Variants in ENTPD1 observed in about 807,000 individuals in gnomAD.
The protein encoded by ENTPD1 is ectonucleoside triphosphate diphosphohydrolase 1, also known as ATP diphosphohydrolase.
ENTPD1 carries 33 observed loss-of-function variants against 57.0 expected under a neutral mutation model. The ratio of observed to expected loss-of-function variants is 0.58; its 90% CI spans 0.44 to 0.77. ENTPD1 has a LOEUF of 0.77. ENTPD1 is among the 30% of genes least tolerant of loss of function. The pLI is 0.00. For missense variants in ENTPD1, 501 were observed against 603.4 expected (o/e 0.83, Z 1.78); for synonymous variants, 202 against 218.8 (o/e 0.92, Z 0.68).
the ENTPD1 span, among the ~76,000 whole-genome samples, chr10:95,697,836 C>T: frequency 7.2e-5 from 11 of 152,166 alleles, no homozygotes; most frequent in African/African-American, 2.4e-4. Flanking sequence ...AGAGAATGAA[C>T]GAAGACAGAA....
intron 2 of ENTPD1, among the ~76,000 whole-genome samples, chr10:95,833,229 T>A (rs2098401565): frequency 6.6e-6 from 1 of 152,230 alleles, no homozygotes; most frequent in Non-Finnish European, 1.5e-5. Flanking sequence ...GTGAATATCC[T>A]TAATACCACA....
At chr10:95,847,849 A>T in intron 7 of ENTPD1, 143 bp downstream of exon 7, 1 of 1,195,976 alleles carries the variant, frequency 8.4e-7, no homozygotes, top group Non-Finnish European at 1.2e-6. Context: ...TCTTCAGCTC[A>T]ACTATGTCAG....
At chr10:95,749,094 C>G (rs557015976) in intron 1 of ENTPD1, among the ~76,000 whole-genome samples, 1 of 152,120 alleles carries the variant, frequency 6.6e-6, no homozygotes, top group African/African-American at 2.4e-5. Flanking sequence ...TATGTTCATT[C>G]CTTTGTGAGG....
At chr10:95,700,319 A>G in the ENTPD1 span, among the ~76,000 whole-genome samples, 5,130 of 152,300 alleles carry the variant, frequency 0.034, 120 homozygotes, top group Non-Finnish European at 0.049. Flanking sequence ...GATTAAATCT[A>G]CAAGTCCAAT....
chr10:95,761,052 G>A lies in ENTPD1; in HGVS notation c.16+4797G>A, dbSNP rs1024323324. ...TCACTGTGTTAGCCAGGATGGTCTCGATCTCCTGACCTCATGATCCGCCCG... is the reference window on the plus strand; with the variant it reads ...TCACTGTGTTAGCCAGGATGGTCTCAATCTCCTGACCTCATGATCCGCCCG... On this transcript the variant is annotated intron_variant, in intron 1 of 9. Coordinates refer to ENST00000371205, the MANE Select transcript of ENTPD1 (RefSeq NM_001776.6). Among the ~76,000 whole-genome samples, 3 of 151,880 alleles carry A rather than the reference G, an allele frequency of 2.0e-5. No individual in the cohort carries two copies. In the South Asian group the frequency reaches 6.2e-4, roughly 32 times the overall value.
intron 9 of ENTPD1, among the ~76,000 whole-genome samples, chr10:95,865,365 G>A (rs531837652): frequency 6.6e-6 from 1 of 152,278 alleles, no homozygotes; most frequent in African/African-American, 2.4e-5. Context: ...GCCTGAGTCC[G>A]GAAGAAGCAA....
rs143237973 is a variant in ENTPD1 at position 95,766,585 on chromosome 10, C to G, written c.16+10330C>G. Reference sequence around the variant, plus strand: ...ATATTTTGATAAAATATTGAAATAACTCTTTTTATCTACTTTTTTAGTCCT... The same window carrying G: ...ATATTTTGATAAAATATTGAAATAAGTCTTTTTATCTACTTTTTTAGTCCT... On this transcript the variant is annotated intron_variant, in intron 1 of 9. Coordinates refer to ENST00000371205, the MANE Select transcript of ENTPD1 (RefSeq NM_001776.6). Among the ~76,000 whole-genome samples the G allele has an allele frequency of 5.9e-5, 9 of 152,224 alleles. No homozygotes were observed. The East Asian group carries it at 9.6e-4, about 16-fold the overall frequency.
At chr10:95,829,068 AG>A (rs1318301146) in intron 2 of ENTPD1, among the ~76,000 whole-genome samples, 1 of 152,176 alleles carries the variant, frequency 6.6e-6, no homozygotes, top group Admixed American at 6.5e-5. Context: ...CCCAAGGCAG[AG>A]GGGGAGCTAA....
At chr10:95,816,962 G>A (rs1455173332) in intron 1 of ENTPD1, among the ~76,000 whole-genome samples, 1 of 152,186 alleles carries the variant, frequency 6.6e-6, no homozygotes, top group East Asian at 1.9e-4. Context: ...CGTGTTGTTA[G>A]CTCATTGAAC....
At chr10:95,824,015 A>G (rs1305434591) in intron 2 of ENTPD1, among the ~76,000 whole-genome samples, 1 of 152,258 alleles carries the variant, frequency 6.6e-6, no homozygotes, top group Non-Finnish European at 1.5e-5. Context: ...CATTAACTTT[A>G]ATGTATTTAT....
intron 1 of ENTPD1, among the ~76,000 whole-genome samples, chr10:95,774,172 G>A (rs983757583): frequency 5.3e-5 from 8 of 152,112 alleles, no homozygotes; most frequent in African/African-American, 9.7e-5. Flanking sequence ...CCCACTTTTC[G>A]ATGGAGTTGT....
intron 1 of ENTPD1, among the ~76,000 whole-genome samples, chr10:95,809,686 G>C (rs1421299804): frequency 2.9e-5 from 4 of 138,108 alleles, no homozygotes; most frequent in African/African-American, 5.5e-5. Context: ...GGTGGCCGCC[G>C]GGCAGAGGCG....
At chr10:95,760,320 C>T (rs934647298) in intron 1 of ENTPD1, among the ~76,000 whole-genome samples, 11 of 152,204 alleles carry the variant, frequency 7.2e-5, no homozygotes, top group African/African-American at 2.2e-4. Context: ...CAAGCCCCTT[C>T]ACCCTCCCAG....
chr10:95,823,190 GT>G (rs758290973), intron 1 of ENTPD1, 46 bp from the exon 2 acceptor site: 8 of 1,611,114 alleles, frequency 5.0e-6, no homozygotes, highest in South Asian at 1.1e-5. Context: ...GAAAATCAGT[GT>G]TTTTGATTTC....
At position 95,870,903 on chromosome 10, in the gene ENTPD1, C is replaced by G. The variant is rs1023109270; in HGVS notation, c.*4520C>G. Reference sequence around the variant, plus strand: ...TCATGTTTGTGAGTCTGCAAGCCAGCTGGGCAGCTCTACTTCAGGTGGTAA... The same window carrying G: ...TCATGTTTGTGAGTCTGCAAGCCAGGTGGGCAGCTCTACTTCAGGTGGTAA... On this transcript the variant is annotated 3_prime_UTR_variant, in exon 10 of 10. Coordinates refer to ENST00000371205, the MANE Select transcript of ENTPD1 (RefSeq NM_001776.6). 1 of 985,326 alleles carries G rather than the reference C, an allele frequency of 1.0e-6. No homozygotes were observed. The highest frequency in any genetic ancestry group is 1.2e-6 in the Non-Finnish European group (1 of 829,950). 61.0% of individuals were successfully genotyped at this position (985,326 alleles called of 1,614,324 possible).
chr10:95,700,586 G>A, the ENTPD1 span, among the ~76,000 whole-genome samples: 1 of 152,102 alleles, frequency 6.6e-6, no homozygotes, highest in African/African-American at 2.4e-5. Flanking sequence ...TGCACAAGAG[G>A]CTGAGTTGGG....
chr10:95,834,207 A>G (rs1297604626), intron 2 of ENTPD1, among the ~76,000 whole-genome samples: 4 of 152,226 alleles, frequency 2.6e-5, no homozygotes, highest in Non-Finnish European at 5.9e-5. Context: ...CTCTGTGCCT[A>G]ATGTATAGTA....
intron 8 of ENTPD1, among the ~76,000 whole-genome samples, chr10:95,860,994 A>C (rs1281430984): frequency 1.3e-5 from 2 of 152,246 alleles, no homozygotes; most frequent in African/African-American, 4.8e-5. Flanking sequence ...TCCTTTTTAC[A>C]GGAAAGCAAA....
the ENTPD1 span, among the ~76,000 whole-genome samples, chr10:95,696,203 T>G: frequency 6.6e-5 from 10 of 152,208 alleles, no homozygotes; most frequent in Non-Finnish European, 1.5e-4. Context: ...AGTTATTTTT[T>G]TCTCTTTTGT....
Sources: allele counts gnomAD v4.1 joint callset (sites outside exome capture counted in the v4.1 genomes callset), GRCh38; gene constraint gnomAD v4.1.1; transcripts MANE v1.5; gene names NCBI Gene and HGNC (gene_info 2026-07-23, HGNC 2026-07-21).